Variants in C1QTNF7 observed in about 807,000 individuals in gnomAD.
C1QTNF7 encodes complement C1q tumor necrosis factor-related protein 7.
In C1QTNF7, 15 loss-of-function variants were observed where a neutral mutation model predicts 19.6. The observed-to-expected ratio is 0.76, with a 90% confidence interval of 0.51 to 1.18. C1QTNF7 has a LOEUF of 1.18. Ranked by LOEUF, C1QTNF7 falls within the 50% of genes most tolerant of loss-of-function variation. The probability of loss-of-function intolerance (pLI) is 0.00; values close to 1 mark genes in which losing one functional copy is unlikely to be tolerated. For synonymous variants in C1QTNF7, 142 were observed against 137.5 expected, an observed-to-expected ratio of 1.03 and a Z score of -0.23; for missense variants, 324 against 359.7, an observed-to-expected ratio of 0.90 and a Z score of 0.80.
chr4:15,370,360 C>T (rs1242207878), intron 1 of C1QTNF7, among the ~76,000 whole-genome samples: 5 of 152,224 alleles, frequency 3.3e-5, no homozygotes, highest in South Asian at 2.1e-4. Context: ...GCAAACCATA[C>T]ATCAGCTGGC....
In C1QTNF7 at chr4:15,430,666, T is replaced by C. The variant is rs571843395; in HGVS notation, c.-9+2560T>C. On this transcript the variant is annotated intron_variant, in intron 1 of 2. Transcript: ENST00000444304. ...CTGTTAAAAATTATTGTAATGTTTA[T>C]GAAATTGTGACCTACGTGATTTATT... is the stretch of plus-strand genomic sequence containing the variant. Among the ~76,000 whole-genome samples, 111 of 152,348 alleles carry C rather than the reference T, an allele frequency of 7.3e-4. 1 individual carries two copies. The highest frequency in any genetic ancestry group is 3.4e-3 in the Middle Eastern group (1 of 294).
At chr4:15,431,103 TAGA>T (rs1712289764) in intron 1 of C1QTNF7, among the ~76,000 whole-genome samples, 1 of 151,906 alleles carries the variant, frequency 6.6e-6, no homozygotes, top group South Asian at 2.1e-4. Context: ...GATAGATAGA[TAGA>T]TTCATTGCAC....
chr4:15,368,048 AG>A, intron 1 of C1QTNF7, among the ~76,000 whole-genome samples: 1 of 152,148 alleles, frequency 6.6e-6, no homozygotes, highest in Non-Finnish European at 1.5e-5. Context: ...GTCCTTTTGA[AG>A]TTTTTCTCTC....
At chr4:15,416,630 C>A (rs945681220) in intron 1 of C1QTNF7, among the ~76,000 whole-genome samples, 3 of 152,178 alleles carry the variant, frequency 2.0e-5, no homozygotes, top group Non-Finnish European at 4.4e-5. Flanking sequence ...CTCGACCCTG[C>A]CTTGATTGTA....
rs149103438 is a variant in C1QTNF7, at chr4:15,434,613, T to A, written c.-8-1123T>A. Among the ~76,000 whole-genome samples, 876 of 152,292 alleles carry A rather than the reference T, an allele frequency of 5.8e-3. 7 individuals are homozygous for A. Among genetic ancestry groups the A allele is most frequent in the African/African-American group, 0.02 (846 of 41,572 alleles). On this transcript the variant is annotated intron_variant, in intron 1 of 2. Coordinates refer to ENST00000444304, the MANE Select transcript of C1QTNF7 (RefSeq NM_031911.5). ...TATGTTCTTCCCTTTAAAAAACTGCTAATACTAAGGACCATTTAGCCTAAA... is the reference window on the plus strand; with the variant it reads ...TATGTTCTTCCCTTTAAAAAACTGCAAATACTAAGGACCATTTAGCCTAAA...
chr4:15,396,336 CA>C (rs1379223685), intron 1 of C1QTNF7, among the ~76,000 whole-genome samples: 1 of 152,130 alleles, frequency 6.6e-6, no homozygotes, highest in Non-Finnish European at 1.5e-5. Context: ...ATGGGAGGGG[CA>C]GGGGGCAGAC....
At chr4:15,429,977 C>T (rs1227038022) in intron 1 of C1QTNF7, among the ~76,000 whole-genome samples, 3 of 152,172 alleles carry the variant, frequency 2.0e-5, no homozygotes, top group Non-Finnish European at 4.4e-5. Context: ...ACAAAGGGAT[C>T]TCAATCTATG....
chr4:15,392,667 G>C (rs1328810686), intron 1 of C1QTNF7, among the ~76,000 whole-genome samples: 1 of 152,232 alleles, frequency 6.6e-6, no homozygotes, highest in East Asian at 1.9e-4. Flanking sequence ...AGGGTGTGAT[G>C]TGGGTGGCAT....
At chr4:15,408,767 A>T (rs1271173835) in intron 1 of C1QTNF7, among the ~76,000 whole-genome samples, 2 of 152,068 alleles carry the variant, frequency 1.3e-5, no homozygotes. Flanking sequence ...TCCCAATAGC[A>T]CTCAGCTGCT....
chr4:15,375,215 T>A (rs901197936), intron 1 of C1QTNF7, among the ~76,000 whole-genome samples: 1 of 152,134 alleles, frequency 6.6e-6, no homozygotes, highest in Non-Finnish European at 1.5e-5. Flanking sequence ...AGGATTTTAG[T>A]AGAGGAAAAA....
chr4:15,383,273 C>A (rs546582667), intron 1 of C1QTNF7, among the ~76,000 whole-genome samples: 1 of 152,216 alleles, frequency 6.6e-6, no homozygotes, highest in South Asian at 2.1e-4. Flanking sequence ...AATTTTCATG[C>A]AGCCAGAGTG....
chr4:15,356,581 T>C (rs913989168), intron 1 of C1QTNF7, among the ~76,000 whole-genome samples: 1 of 152,152 alleles, frequency 6.6e-6, no homozygotes, highest in African/African-American at 2.4e-5. Context: ...GTCTTTATAG[T>C]AGAATGATTT....
At chr4:15,385,880 A>G (rs757954261) in intron 1 of C1QTNF7, among the ~76,000 whole-genome samples, 56 of 152,262 alleles carry the variant, frequency 3.7e-4, no homozygotes, top group Non-Finnish European at 4.6e-4. Context: ...ATTACGGCTT[A>G]TATATTACAT....
chr4:15,363,578 T>C (rs551400168), intron 1 of C1QTNF7, among the ~76,000 whole-genome samples: 3 of 152,300 alleles, frequency 2.0e-5, no homozygotes, highest in African/African-American at 2.4e-5. Flanking sequence ...CTCTGCTTAC[T>C]TATTATTGTC....
intron 1 of C1QTNF7, among the ~76,000 whole-genome samples, chr4:15,369,635 G>A (rs933778131): frequency 6.6e-6 from 1 of 152,104 alleles, no homozygotes; most frequent in African/African-American, 2.4e-5. Context: ...TTTGAAAACT[G>A]AGCAATTAAC....
In C1QTNF7 at chr4:15,443,787, C is replaced by T. The variant is rs927665703; in HGVS notation, c.*988C>T. The T allele has an allele frequency of 6.6e-6, 1 of 152,194 alleles. No individual in the cohort carries two copies. The highest frequency in any genetic ancestry group is 2.4e-5 in the African/African-American group (1 of 41,452). 9.4% of individuals were successfully genotyped at this position (152,194 alleles called of 1,614,324 possible). On this transcript the variant is annotated 3_prime_UTR_variant, in exon 3 of 3. Transcript: ENST00000444304. ...TAGTGTGATGGTTTCCCAAGACAAA[C>T]ATTTGTCCTAATAGCTTTCTCATAA...
chr4:15,344,078 G>A (rs1434471376), intron 1 of C1QTNF7, among the ~76,000 whole-genome samples: 1 of 152,210 alleles, frequency 6.6e-6, no homozygotes, highest in African/African-American at 2.4e-5. Flanking sequence ...AGGCAGAGAG[G>A]AGAATATGAG....
rs754457076 is a variant in C1QTNF7, at chr4:15,435,774, G to T, written c.31G>T (p.Ala11Ser). The change falls in exon 2 of 3, where the codon GCC becomes TCC. Residue 11 changes from alanine (A) to serine (S), a missense_variant. Physicochemically the swap from Ala to Ser is moderately conservative, Grantham distance 99 (BLOSUM62 1). Coordinates refer to ENST00000444304, the MANE Select transcript of C1QTNF7 (RefSeq NM_031911.5). MFVLLYVTSF[A>S]ICASGQPRGN... ...TGTCTTGCTCTATGTTACAAGTTTT[G>T]CCATTTGTGCCAGTGGACAACCCCG... 2.5e-6 allele frequency: 4 copies of T among 1,613,964 alleles called. No individual in the cohort carries two copies. The highest frequency in any genetic ancestry group is 3.4e-6 in the Non-Finnish European group (4 of 1,180,014).
At position 15,443,934 on chromosome 4, in the gene C1QTNF7, C is replaced by T. The variant is rs1712890426; in HGVS notation, c.*1135C>T. On this transcript the variant is annotated 3_prime_UTR_variant, in exon 3 of 3. Transcript: ENST00000444304. Reference sequence around the variant, plus strand: ...CGAGTAAGCTGATGAGAGCAATGAACAGGAGAAGGAGGGAGAGAGCCAAAT... The same window carrying T: ...CGAGTAAGCTGATGAGAGCAATGAATAGGAGAAGGAGGGAGAGAGCCAAAT... 6.6e-6 allele frequency: 1 copy of T among 152,198 alleles called. No individual in the cohort carries two copies. Among genetic ancestry groups the T allele is most frequent in the South Asian group, 2.1e-4 (1 of 4,826 alleles). 9.4% of individuals were successfully genotyped at this position (152,198 alleles called of 1,614,324 possible).
Sources: allele counts gnomAD v4.1 joint callset (sites outside exome capture counted in the v4.1 genomes callset), GRCh38; gene constraint gnomAD v4.1.1; transcripts MANE v1.5; gene names NCBI Gene and HGNC (gene_info 2026-07-23, HGNC 2026-07-21).